The following TSC22D3 variants were observed in gnomAD, a reference collection of about 807,000 sequenced individuals.
TSC22D3 encodes the protein TSC22 domain family protein 3.
Under a neutral mutation model 11.1 loss-of-function variants are expected in TSC22D3, and 4 were observed. That is an observed-to-expected ratio of 0.36 (90% CI 0.18 to 0.83). TSC22D3 has a LOEUF of 0.83. Among genes scored for constraint, TSC22D3 ranks in the 40% least tolerant of loss-of-function variants. TSC22D3 has a pLI of 0.48. For missense variants in TSC22D3, 118 were observed against 159.4 expected (o/e 0.74, Z 1.40); for synonymous variants, 77 against 70.3 (o/e 1.10, Z -0.48).
intron 1 of TSC22D3, among the ~76,000 whole-genome samples, chrX:107,739,508 G>C (rs771403350): frequency 8.9e-6 from 1 of 112,363 alleles, no homozygotes; most frequent in Non-Finnish European, 1.9e-5. Flanking sequence ...CCACACACAC[G>C]CTGGGGAAAC....
In TSC22D3 at chrX:107,714,443, G is replaced by A. The variant is rs1243855119; in HGVS notation, c.*76C>T. 1 of 938,542 alleles carries A rather than the reference G, an allele frequency of 1.1e-6. No individual in the cohort carries two copies. The highest frequency in any genetic ancestry group is 1.5e-6 in the Non-Finnish European group (1 of 680,225). 77.3% of individuals were successfully genotyped at this position (938,542 alleles called of 1,213,427 possible). A position where few individuals can be genotyped will look rare whatever the true frequency, so the allele number is the denominator to read the frequency against. ...AAGTTCTCCTCGTGAGATGATGCTT[G>A]GGGAGCCAAAAACAAACTGGAAAGA... is the stretch of plus-strand genomic sequence containing the variant. On this transcript the variant is annotated 3_prime_UTR_variant, in exon 3 of 3. Coordinates refer to ENST00000372383, the MANE Select transcript of TSC22D3 (RefSeq NM_198057.3).
chrX:107,728,664 G>C (rs1022615186), intron 1 of TSC22D3, among the ~76,000 whole-genome samples: 1 of 112,369 alleles, frequency 8.9e-6, no homozygotes, highest in East Asian at 2.8e-4. Context: ...GGAGTGGGGG[G>C]AGGACAAAAA....
At position 107,723,554 on chromosome X, in the gene TSC22D3, C is replaced by G. The variant is rs1276044742; in HGVS notation, c.321-7604G>C. Among the ~76,000 whole-genome samples, 4 of 112,515 alleles carry G rather than the reference C, an allele frequency of 3.6e-5. No individual in the cohort carries two copies. In the East Asian group the frequency reaches 1.1e-3, roughly 31 times the overall value. On this transcript the variant is annotated intron_variant, in intron 1 of 2. Coordinates refer to ENST00000372383, the MANE Select transcript of TSC22D3 (RefSeq NM_198057.3). ...ACAGGCTCCCTCGTCACAGCCCACCCTTTGGCAATCCCAGTGTCCTGCAGC... is the reference window on the plus strand; with the variant it reads ...ACAGGCTCCCTCGTCACAGCCCACCGTTTGGCAATCCCAGTGTCCTGCAGC...
chrX:107,719,403 G>A (rs1401187879), intron 1 of TSC22D3, among the ~76,000 whole-genome samples: 2 of 112,355 alleles, frequency 1.8e-5, no homozygotes, highest in South Asian at 3.7e-4. Context: ...AGCAAATTGA[G>A]TCTGAGACTC....
At chrX:107,745,164 A>C (rs1262404115) in intron 1 of TSC22D3, among the ~76,000 whole-genome samples, 3 of 111,875 alleles carry the variant, frequency 2.7e-5, no homozygotes, top group African/African-American at 9.8e-5. Context: ...GAAATAACAA[A>C]TAAGTAGTTG....
intron 1 of TSC22D3, among the ~76,000 whole-genome samples, chrX:107,774,264 T>C (rs2147799073): frequency 8.9e-6 from 1 of 111,992 alleles, no homozygotes; most frequent in South Asian, 3.8e-4. Flanking sequence ...GACTGGTTCT[T>C]GCCAGAGTGT....
intron 1 of TSC22D3, among the ~76,000 whole-genome samples, chrX:107,723,549 C>A (rs1458560678): frequency 8.9e-6 from 1 of 112,358 alleles, no homozygotes; most frequent in Non-Finnish European, 1.9e-5. Context: ...TCGTCACAGC[C>A]CACCCTTTGG....
intron 1 of TSC22D3, among the ~76,000 whole-genome samples, chrX:107,730,081 A>G (rs1488108858): frequency 8.9e-6 from 1 of 112,668 alleles, no homozygotes; most frequent in Non-Finnish European, 1.9e-5. Flanking sequence ...CTTAGTGGGC[A>G]CTGCGCTAAA....
At chrX:107,737,216 T>C (rs1928181144) in intron 1 of TSC22D3, among the ~76,000 whole-genome samples, 1 of 111,527 alleles carries the variant, frequency 9.0e-6, no homozygotes, top group Admixed American at 9.4e-5. Flanking sequence ...GAGGTATAAA[T>C]GACTTGTGAA....
Position 107,775,394 on chromosome X carries a change from C to T in TSC22D3, c.26G>A (p.Arg9His), listed in dbSNP as rs149512760. Residue 9 changes from arginine to histidine, a missense_variant, in exon 1 of 3, where the codon CGC (arginine) becomes CAC (histidine). By Grantham distance (29) the Arg-to-His change is conservative. Transcript: ENST00000372383. ...GCAGCAGTCGAGGCCGACAGGTGAGCGGCAATCGAGCTTGGACTGGGCCAT... is the reference window on the plus strand; with the variant it reads ...GCAGCAGTCGAGGCCGACAGGTGAGTGGCAATCGAGCTTGGACTGGGCCAT... MAQSKLDC[R>H]SPVGLDCCNC... 1.1e-5 allele frequency: 13 copies of T among 1,191,899 alleles called. No homozygotes were observed. Among genetic ancestry groups the T allele is most frequent in the Non-Finnish European group, 1.5e-5 (13 of 885,784 alleles).
intron 1 of TSC22D3, among the ~76,000 whole-genome samples, chrX:107,747,148 C>A (rs767575896): frequency 8.8e-6 from 1 of 112,997 alleles, no homozygotes; most frequent in African/African-American, 3.2e-5. Context: ...ATGAAAGTAT[C>A]TGTCCAAATT....
intron 1 of TSC22D3, among the ~76,000 whole-genome samples, chrX:107,760,098 C>A (rs1239495066): frequency 8.9e-6 from 1 of 112,936 alleles, no homozygotes; most frequent in Non-Finnish European, 1.9e-5. Flanking sequence ...CAGCCAGCCC[C>A]TGTGGTTGGA....
At chrX:107,742,629 C>T (rs1283826299) in intron 1 of TSC22D3, among the ~76,000 whole-genome samples, 5 of 111,356 alleles carry the variant, frequency 4.5e-5, no homozygotes, top group Admixed American at 2.8e-4. Context: ...CCGTCTCTCC[C>T]CCTTCACCCT....
chrX:107,768,050 T>C (rs1231821912), intron 1 of TSC22D3, among the ~76,000 whole-genome samples: 1 of 112,518 alleles, frequency 8.9e-6, no homozygotes, highest in East Asian at 2.8e-4. Flanking sequence ...CAATTTGTTA[T>C]ATAAGCCCAG....
intron 1 of TSC22D3, among the ~76,000 whole-genome samples, chrX:107,754,831 AT>A (rs1170924332): frequency 1.8e-5 from 2 of 111,834 alleles, no homozygotes; most frequent in African/African-American, 3.3e-5. Flanking sequence ...GAGATTGCAA[AT>A]TTTTTTTCGT....
chrX:107,738,281 C>T (rs903660838), intron 1 of TSC22D3, among the ~76,000 whole-genome samples: 25 of 112,816 alleles, frequency 2.2e-4, no homozygotes, highest in African/African-American at 5.8e-4. Context: ...AGCTTTTCAG[C>T]GGAGAGTTTT....
chrX:107,735,019 C>T (rs1314183014), intron 1 of TSC22D3, among the ~76,000 whole-genome samples: 1 of 110,974 alleles, frequency 9.0e-6, no homozygotes, highest in Non-Finnish European at 1.9e-5. Context: ...CCACACTCTT[C>T]CCCCTTACCC....
In TSC22D3 at chrX:107,713,437, C is replaced by T. The variant is rs1490605541; in HGVS notation, c.*1082G>A. On this transcript the variant is annotated 3_prime_UTR_variant, in exon 3 of 3. Coordinates refer to ENST00000372383, the MANE Select transcript of TSC22D3 (RefSeq NM_198057.3). ...TGTTCATCCCTCATCCACAGTAGGA[C>T]ACCATCCTTCTGTTCACTTGAAAGT... 1 of 112,384 alleles carries T rather than the reference C, an allele frequency of 8.9e-6. No homozygotes were observed. The highest frequency in any genetic ancestry group is 3.3e-5 in the African/African-American group (1 of 30,740). The allele number at this position is 112,384 out of a possible 1,213,427, so 9.3% of individuals were successfully genotyped here.
intron 1 of TSC22D3, among the ~76,000 whole-genome samples, chrX:107,766,451 C>T (rs904412909): frequency 6.7e-5 from 6 of 89,642 alleles, no homozygotes; most frequent in Admixed American, 1.1e-4. Flanking sequence ...CTGGAGTTTC[C>T]GCCCCCCCCC....
Sources: gnomAD v4.1 joint callset for allele counts (sites outside exome capture counted in the v4.1 genomes callset) on GRCh38, gnomAD v4.1.1 for gene constraint, MANE v1.5 for transcripts, NCBI Gene and HGNC (gene_info 2026-07-23, HGNC 2026-07-21) for gene names.